Variants in MAGI2 observed in about 807,000 individuals in gnomAD.
The protein encoded by MAGI2 is membrane associated guanylate kinase, WW and PDZ domain containing 2, also known as membrane-associated guanylate kinase, WW and PDZ domain-containing protein 2.
A neutral mutation model predicts 133.3 loss-of-function variants in MAGI2; 35 were observed. The observed-to-expected ratio is 0.26, with a 90% CI of 0.20 to 0.35. MAGI2 has a LOEUF of 0.35. Among genes scored for constraint, MAGI2 ranks in the 10% least tolerant of loss-of-function variants. The probability of loss-of-function intolerance (pLI) is 1.00; values close to 1 mark genes in which losing one functional copy is unlikely to be tolerated. For synonymous variants in MAGI2, 729 were observed against 710.6 expected, an observed-to-expected ratio of 1.03 and a Z score of -0.41; for missense variants, 1,636 against 1,863.4, an observed-to-expected ratio of 0.88 and a Z score of 2.25.
At chr7:79,382,222 C>T (rs1528279) in intron 1 of MAGI2, among the ~76,000 whole-genome samples, 28,540 of 151,412 alleles carry the variant, frequency 0.19, 3,165 homozygotes, top group African/African-American at 0.3. Context: ...ATGAATGTTT[C>T]ACTGGGAAAA....
At chr7:78,213,260 A>C (rs867819312) in intron 10 of MAGI2, among the ~76,000 whole-genome samples, 10 of 152,182 alleles carry the variant, frequency 6.6e-5, no homozygotes, top group East Asian at 1.9e-4. Context: ...TTTGTTAGGA[A>C]TCTCAGACCT....
chr7:78,362,731 T>C (rs1792951805), intron 7 of MAGI2, among the ~76,000 whole-genome samples: 1 of 152,236 alleles, frequency 6.6e-6, no homozygotes, highest in African/African-American at 2.4e-5. Context: ...TTGATATCCA[T>C]GCTCCTTTTG....
intron 1 of MAGI2, among the ~76,000 whole-genome samples, chr7:79,014,022 G>A (rs1027068714): frequency 2.6e-5 from 4 of 151,954 alleles, no homozygotes; most frequent in African/African-American, 9.7e-5. Context: ...CAAAATCTTT[G>A]TGGTATTGCA....
At chr7:78,404,515 C>T (rs1343355526) in intron 6 of MAGI2, among the ~76,000 whole-genome samples, 2 of 152,126 alleles carry the variant, frequency 1.3e-5, no homozygotes, top group African/African-American at 4.8e-5. Flanking sequence ...AATAATACCA[C>T]ATATCTACAA....
intron 9 of MAGI2, among the ~76,000 whole-genome samples, chr7:78,286,625 TGA>T (rs1308682283): frequency 6.6e-6 from 1 of 152,010 alleles, no homozygotes; most frequent in Non-Finnish European, 1.5e-5. Context: ...AGGACAATCA[TGA>T]GAGTCCGCTG....
chr7:78,263,426 T>C (rs1386742047), intron 9 of MAGI2, among the ~76,000 whole-genome samples: 2 of 152,190 alleles, frequency 1.3e-5, no homozygotes, highest in Non-Finnish European at 2.9e-5. Context: ...ATCTATTGTA[T>C]GAACTTCTGC....
intron 7 of MAGI2, among the ~76,000 whole-genome samples, chr7:78,359,661 A>C (rs1286740970): frequency 6.6e-6 from 1 of 152,230 alleles, no homozygotes; most frequent in Admixed American, 6.5e-5. Context: ...GGATTGTTAA[A>C]ATCATTAAAA....
chr7:78,947,161 C>CA (rs900133542), intron 2 of MAGI2, among the ~76,000 whole-genome samples: 64 of 151,618 alleles, frequency 4.2e-4, no homozygotes, highest in Middle Eastern at 3.4e-3. Context: ...CAAAACAAAA[C>CA]AAAAAAAACA....
At chr7:78,595,050 C>T (rs1300107117) in intron 3 of MAGI2, among the ~76,000 whole-genome samples, 1 of 152,120 alleles carries the variant, frequency 6.6e-6, no homozygotes, top group East Asian at 1.9e-4. Context: ...ATTTTCTGGG[C>T]CTTTTCTCTG....
Position 79,196,323 on chromosome 7 carries a change from G to A in MAGI2, c.302-189117C>T, listed in dbSNP as rs1290576272. Among the ~76,000 whole-genome samples, 4 of 151,994 alleles carry A rather than the reference G, an allele frequency of 2.6e-5. No individual in the cohort carries two copies. In the East Asian group the frequency reaches 5.8e-4, roughly 22 times the overall value. On this transcript the variant is annotated intron_variant, in intron 1 of 21. Coordinates refer to ENST00000354212, the MANE Select transcript of MAGI2 (RefSeq NM_012301.4). Reference sequence around the variant, plus strand: ...TTTTTTTTACTTTAAAACATATTTAGTTAAGTAACATGTACCCACTTTTTG... The same window carrying A: ...TTTTTTTTACTTTAAAACATATTTAATTAAGTAACATGTACCCACTTTTTG...
chr7:79,389,294 C>T (rs184705201), intron 1 of MAGI2, among the ~76,000 whole-genome samples: 6 of 151,838 alleles, frequency 4.0e-5, no homozygotes, highest in East Asian at 3.9e-4. Flanking sequence ...AAAGAAATTA[C>T]GTACGATGAT....
intron 1 of MAGI2, among the ~76,000 whole-genome samples, chr7:79,059,553 T>C (rs553608263): frequency 6.6e-6 from 1 of 152,132 alleles, no homozygotes; most frequent in South Asian, 2.1e-4. Context: ...TAAAAAATGC[T>C]ACCTGAGTCA....
intron 1 of MAGI2, among the ~76,000 whole-genome samples, chr7:79,074,458 A>G (rs1344486420): frequency 6.6e-6 from 1 of 152,176 alleles, no homozygotes; most frequent in Non-Finnish European, 1.5e-5. Flanking sequence ...TATGCAATTG[A>G]CATTTCATTC....
chr7:78,143,040 G>C (rs756782670), intron 16 of MAGI2, among the ~76,000 whole-genome samples: 1 of 152,010 alleles, frequency 6.6e-6, no homozygotes, highest in African/African-American at 2.4e-5. Context: ...TGCATTTTTC[G>C]CAAAGACTCA....
chr7:78,543,636 G>T (rs776379804), intron 3 of MAGI2, among the ~76,000 whole-genome samples: 3 of 152,132 alleles, frequency 2.0e-5, no homozygotes, highest in South Asian at 2.1e-4. Context: ...ATACCATAAG[G>T]TCTGGCCTGC....
chr7:78,246,750 C>A (rs118152176), intron 10 of MAGI2, among the ~76,000 whole-genome samples: 2 of 152,210 alleles, frequency 1.3e-5, no homozygotes, highest in Non-Finnish European at 2.9e-5. Context: ...TCTGACTTGA[C>A]GCTATGTCGT....
At chr7:78,403,421 C>T (rs1157497135) in intron 6 of MAGI2, among the ~76,000 whole-genome samples, 3 of 152,126 alleles carry the variant, frequency 2.0e-5, no homozygotes, top group Non-Finnish European at 4.4e-5. Flanking sequence ...TGGGTTGGTT[C>T]CAAGTCTTTG....
In MAGI2 at chr7:78,995,736, T is replaced by C. The variant is rs1806224441; in HGVS notation, c.418+11354A>G. ...TTTTCTTTTCTTTTCTTTTCTTTTT[T>C]ACCATAGGAGCATCTCTGAAACTCT... On this transcript the variant is annotated intron_variant, in intron 2 of 21. Transcript: ENST00000354212. Among the ~76,000 whole-genome samples the C allele has an allele frequency of 2.6e-5, 4 of 152,182 alleles. No homozygotes were observed. The South Asian group carries it at 8.3e-4, about 32-fold the overall frequency.
At chr7:78,657,994 A>C (rs1315256661) in intron 2 of MAGI2, among the ~76,000 whole-genome samples, 8 of 152,176 alleles carry the variant, frequency 5.3e-5, no homozygotes, top group Admixed American at 3.9e-4. Flanking sequence ...AAAAAAAGAA[A>C]TCAAACAACC....
Sources: gnomAD v4.1 joint callset for allele counts (sites outside exome capture counted in the v4.1 genomes callset) on GRCh38, gnomAD v4.1.1 for gene constraint, MANE v1.5 for transcripts, NCBI Gene and HGNC (gene_info 2026-07-23, HGNC 2026-07-21) for gene names.